The following FSTL4 variants were observed in gnomAD, a reference collection of about 807,000 sequenced individuals.
The protein encoded by FSTL4 is follistatin-related protein 4.
Under a neutral mutation model 78.2 loss-of-function variants are expected in FSTL4, and 28 were observed. The ratio of observed to expected loss-of-function variants is 0.36; its 90% CI spans 0.27 to 0.49. FSTL4 has a LOEUF of 0.49. Ranked by LOEUF, FSTL4 falls within the 20% of genes least tolerant of loss-of-function variation. FSTL4 has a pLI of 0.98. For synonymous variants in FSTL4, 422 were observed against 440.5 expected (o/e 0.96, Z 0.53); for missense variants, 922 against 1,084.9 (o/e 0.85, Z 2.11).
chr5:133,636,509 C>T, the FSTL4 span, among the ~76,000 whole-genome samples: 1 of 152,168 alleles, frequency 6.6e-6, no homozygotes, highest in East Asian at 1.9e-4. Flanking sequence ...ATAAAATGAC[C>T]TGGCTCTTCC....
At chr5:133,677,191 C>G in the FSTL4 span, among the ~76,000 whole-genome samples, 1 of 152,192 alleles carries the variant, frequency 6.6e-6, no homozygotes, top group Non-Finnish European at 1.5e-5. Flanking sequence ...TTCACACACA[C>G]GTCAACCTGA....
At chr5:133,790,233 T>G in the FSTL4 span, among the ~76,000 whole-genome samples, 3 of 152,290 alleles carry the variant, frequency 2.0e-5, no homozygotes, top group Non-Finnish European at 2.9e-5. Context: ...ATGAACAAAC[T>G]TACTTCAGAG....
intron 6 of FSTL4, among the ~76,000 whole-genome samples, chr5:133,296,515 C>T (rs940190977): frequency 2.0e-5 from 3 of 152,298 alleles, no homozygotes; most frequent in African/African-American, 7.2e-5. Context: ...CTGCCCCCAG[C>T]TTCCCATACC....
At chr5:133,778,414 G>A in the FSTL4 span, among the ~76,000 whole-genome samples, 2 of 152,104 alleles carry the variant, frequency 1.3e-5, no homozygotes, top group Non-Finnish European at 2.9e-5. Flanking sequence ...ATTAATTTCT[G>A]GAAAAAACAT....
intron 3 of FSTL4, among the ~76,000 whole-genome samples, chr5:133,447,762 A>G (rs1297569614): frequency 6.6e-6 from 1 of 151,830 alleles, no homozygotes; most frequent in Non-Finnish European, 1.5e-5. Context: ...CTGGTCTTGA[A>G]CTCCTGACCT....
chr5:133,199,839 T>A lies in FSTL4; in HGVS notation c.1827-42A>T. The A allele has an allele frequency of 9.7e-7, 1 of 1,036,028 alleles. No homozygotes were observed. Among genetic ancestry groups the A allele is most frequent in the Non-Finnish European group, 1.4e-6 (1 of 700,324 alleles). The allele number at this position is 1,036,028 out of a possible 1,614,324, so 64.2% of individuals were successfully genotyped here. A position where few individuals can be genotyped will look rare whatever the true frequency, so the allele number is the denominator to read the frequency against. ...TGAGGTCAGAAGTTGCCTCCAGGGGTGGGGAATCTGTCATTTGTCTTAAAC... is the reference window on the plus strand; with the variant it reads ...TGAGGTCAGAAGTTGCCTCCAGGGGAGGGGAATCTGTCATTTGTCTTAAAC... On this transcript the variant is annotated intron_variant, in intron 15 of 15. Transcript: ENST00000265342. This position sits in a 1 kb window ranked among gnomAD's most constrained non-coding sequence, Gnocchi z 4.4.
In FSTL4 at chr5:133,197,863, C is replaced by T. The variant is rs577945898; in HGVS notation, c.*1232G>A. The T allele has an allele frequency of 1.3e-5, 2 of 152,378 alleles. No homozygotes were observed. The highest frequency in any genetic ancestry group is 1.3e-4 in the Admixed American group (2 of 15,308). The allele number at this position is 152,378 out of a possible 1,614,324, so 9.4% of individuals were successfully genotyped here. A position where few individuals can be genotyped will look rare whatever the true frequency, so the allele number is the denominator to read the frequency against. On this transcript the variant is annotated 3_prime_UTR_variant, in exon 16 of 16. Transcript: ENST00000265342. ...TTCTTCGATGCCCATGTGAGAGTCA[C>T]CACAGCCTGAGACACATAAGGAGAA...
At chr5:133,394,450 G>T (rs1211871965) in intron 4 of FSTL4, among the ~76,000 whole-genome samples, 1 of 152,206 alleles carries the variant, frequency 6.6e-6, no homozygotes, top group African/African-American at 2.4e-5. Context: ...CACTCACAGC[G>T]GCCAGCTGGC....
the FSTL4 span, among the ~76,000 whole-genome samples, chr5:133,776,958 C>G: frequency 2.0e-5 from 3 of 152,252 alleles, no homozygotes; most frequent in East Asian, 5.8e-4. Flanking sequence ...CTAAATGACC[C>G]TCAGGAGGGC....
intron 2 of FSTL4, among the ~76,000 whole-genome samples, chr5:133,582,751 T>C (rs1400364380): frequency 6.6e-6 from 1 of 152,134 alleles, no homozygotes; most frequent in Non-Finnish European, 1.5e-5. Context: ...ATTGGCTCAT[T>C]TGTTCCAACC....
At chr5:133,691,100 G>T in the FSTL4 span, among the ~76,000 whole-genome samples, 1 of 152,204 alleles carries the variant, frequency 6.6e-6, no homozygotes, top group South Asian at 2.1e-4. Flanking sequence ...CGGTTTTTCA[G>T]GATGTCTCTG....
chr5:133,231,020 G>T (rs892480618), intron 8 of FSTL4, among the ~76,000 whole-genome samples: 2 of 151,850 alleles, frequency 1.3e-5, no homozygotes, highest in South Asian at 4.2e-4. Flanking sequence ...CTGGGCCCAC[G>T]TTGCCACTTC....
At chr5:133,352,129 G>A (rs1171450970) in intron 4 of FSTL4, among the ~76,000 whole-genome samples, 3 of 151,496 alleles carry the variant, frequency 2.0e-5, no homozygotes, top group African/African-American at 7.3e-5. Flanking sequence ...TTTAAAATAT[G>A]ACCAAATCCG....
At chr5:133,341,814 A>T (rs2126918857) in intron 4 of FSTL4, among the ~76,000 whole-genome samples, 1 of 152,232 alleles carries the variant, frequency 6.6e-6, no homozygotes, top group African/African-American at 2.4e-5. Flanking sequence ...CTGAACCTTA[A>T]TTCTGTCATC....
At chr5:133,486,889 C>T (rs989910337) in intron 3 of FSTL4, among the ~76,000 whole-genome samples, 1 of 152,070 alleles carries the variant, frequency 6.6e-6, no homozygotes, top group African/African-American at 2.4e-5. Context: ...AAATTGAGGC[C>T]CAGAGAGGAT....
chr5:133,488,257 C>T (rs918663471), intron 3 of FSTL4, among the ~76,000 whole-genome samples: 35 of 149,710 alleles, frequency 2.3e-4, no homozygotes, highest in African/African-American at 8.0e-4. Flanking sequence ...ATCTTTGCGA[C>T]GAGCTCTCTT....
the FSTL4 span, among the ~76,000 whole-genome samples, chr5:133,625,738 TATATATTCC>T: frequency 2.0e-4 from 19 of 96,098 alleles, 1 homozygote; most frequent in African/African-American, 6.9e-4. Context: ...TATATATATA[TATATATTCC>T]ATATATATAT....
At chr5:133,509,706 A>G (rs1194898459) in intron 3 of FSTL4, among the ~76,000 whole-genome samples, 2 of 152,246 alleles carry the variant, frequency 1.3e-5, no homozygotes, top group Non-Finnish European at 2.9e-5. Context: ...GGGTTGCTAA[A>G]CACTCTGAAT....
chr5:133,258,623 C>T (rs1241633747), intron 6 of FSTL4, among the ~76,000 whole-genome samples: 2 of 152,180 alleles, frequency 1.3e-5, no homozygotes, highest in African/African-American at 2.4e-5. Context: ...CTCCTCTCCT[C>T]GTCTTTGGAG....
Sources: allele counts gnomAD v4.1 joint callset (sites outside exome capture counted in the v4.1 genomes callset), GRCh38; gene constraint gnomAD v4.1.1; non-coding constraint Gnocchi (gnomAD v3.1); transcripts MANE v1.5; gene names NCBI Gene and HGNC (gene_info 2026-07-23, HGNC 2026-07-21).